PTPRN2: variants seen among roughly 807,000 people sequenced by gnomAD.
PTPRN2 encodes the protein protein tyrosine phosphatase receptor type N2.
In PTPRN2, 74 loss-of-function variants were observed where a neutral mutation model predicts 118.8. The observed-to-expected ratio is 0.62, with a 90% confidence interval of 0.52 to 0.76. The LOEUF is 0.76. Among genes scored for constraint, PTPRN2 ranks in the 30% least tolerant of loss-of-function variants. The pLI is 0.00. For synonymous variants in PTPRN2, 641 were observed against 608.0 expected (o/e 1.05, Z -0.80); for missense variants, 1,481 against 1,394.4 (o/e 1.06, Z -0.99).
rs1303436492 is a variant in PTPRN2 at position 157,596,007 on chromosome 7, C to A, written c.2419-692G>T. Among the ~76,000 whole-genome samples the A allele has an allele frequency of 1.3e-5, 2 of 152,204 alleles. No homozygotes were observed. Among genetic ancestry groups the A allele is most frequent in the Non-Finnish European group, 2.9e-5 (2 of 68,032 alleles). On this transcript the variant is annotated intron_variant, in intron 16 of 22. Transcript: ENST00000389418. The surrounding 1 kb of genome is among the most constrained non-coding windows in gnomAD (Gnocchi z 4.2). ...TTCCAGCCTGCAAGTGACCCCAGAG[C>A]TTCCTGGCCACGGAGCCCACCCAGG...
intron 2 of PTPRN2, among the ~76,000 whole-genome samples, chr7:158,364,043 G>A (rs1012269908): frequency 6.6e-6 from 1 of 152,178 alleles, no homozygotes; most frequent in African/African-American, 2.4e-5. Context: ...GAACGATGAG[G>A]CAGTCAGTGA....
chr7:158,342,404 CACCCACACTCTCACCATA>C (rs1395811640), intron 2 of PTPRN2, among the ~76,000 whole-genome samples: 10 of 139,586 alleles, frequency 7.2e-5, no homozygotes, highest in South Asian at 2.4e-4. Context: ...ACGTCACTCA[CACCCACACTCTCACCATA>C]AGAGCTGACA....
intron 2 of PTPRN2, among the ~76,000 whole-genome samples, chr7:158,334,441 C>G (rs1404563942): frequency 1.5e-5 from 1 of 66,522 alleles, no homozygotes; most frequent in Non-Finnish European, 3.3e-5. Context: ...CACCCACACT[C>G]TCACCATAAG....
At chr7:158,336,562 C>T (rs1805580854) in intron 2 of PTPRN2, among the ~76,000 whole-genome samples, 1 of 146,208 alleles carries the variant, frequency 6.8e-6, no homozygotes, top group African/African-American at 2.6e-5. Context: ...CACCCACACT[C>T]ACCATAAGAG....
At chr7:157,906,610 T>C (rs1258605508) in intron 11 of PTPRN2, among the ~76,000 whole-genome samples, 1 of 147,758 alleles carries the variant, frequency 6.8e-6, no homozygotes, top group African/African-American at 2.5e-5. Flanking sequence ...AGCCTGCCAG[T>C]CACTCAGGCC....
chr7:158,131,796 T>G (rs1442448868), intron 9 of PTPRN2, among the ~76,000 whole-genome samples: 1 of 110,582 alleles, frequency 9.0e-6, no homozygotes, highest in African/African-American at 3.6e-5. Flanking sequence ...ACATACACAC[T>G]CATACACACA....
intron 11 of PTPRN2, among the ~76,000 whole-genome samples, chr7:158,049,127 TATC>T (rs1213823820): frequency 8.4e-4 from 48 of 57,098 alleles, no homozygotes; most frequent in South Asian, 2.8e-3. Context: ...TCAGCATCAC[TATC>T]ATCATCATCA....
At chr7:158,192,559 C>T in intron 4 of PTPRN2, 64 bp from the exon 5 acceptor site, 3 of 1,501,194 alleles carry the variant, frequency 2.0e-6, no homozygotes, top group Admixed American at 4.7e-5. Flanking sequence ...CTGCTCTGTC[C>T]CCTGTGGTGC....
At chr7:157,847,565 A>T (rs1233134656) in intron 12 of PTPRN2, among the ~76,000 whole-genome samples, 1 of 139,194 alleles carries the variant, frequency 7.2e-6, no homozygotes, top group African/African-American at 2.7e-5. Flanking sequence ...CCCGATGTCT[A>T]CAGAGCCCTC....
At chr7:158,470,950 C>T (rs908703570) in intron 2 of PTPRN2, among the ~76,000 whole-genome samples, 1 of 152,128 alleles carries the variant, frequency 6.6e-6, no homozygotes, top group Non-Finnish European at 1.5e-5. Context: ...TCTCCTGCCT[C>T]AACCTCCCAA....
chr7:158,197,512 G>A (rs1826300697), intron 4 of PTPRN2, among the ~76,000 whole-genome samples: 1 of 152,134 alleles, frequency 6.6e-6, no homozygotes, highest in Non-Finnish European at 1.5e-5. Flanking sequence ...ATTTTTGCTT[G>A]ATTATCTCAA....
At chr7:157,984,448 C>G (rs1299972743) in intron 11 of PTPRN2, among the ~76,000 whole-genome samples, 3 of 87,714 alleles carry the variant, frequency 3.4e-5, no homozygotes, top group Non-Finnish European at 4.7e-5. Context: ...CCAGGCTCCA[C>G]CCCCCCCACG....
rs1398869427 is a variant in PTPRN2 at position 157,609,438 on chromosome 7, T to C, written c.2345-5363A>G. Among the ~76,000 whole-genome samples the C allele has an allele frequency of 6.6e-6, 1 of 152,158 alleles. No homozygotes were observed. The highest frequency in any genetic ancestry group is 1.9e-4 in the East Asian group (1 of 5,190). On this transcript the variant is annotated intron_variant, in intron 15 of 22. Coordinates refer to ENST00000389418, the MANE Select transcript of PTPRN2 (RefSeq NM_002847.5). This position sits in a 1 kb window ranked among gnomAD's most constrained non-coding sequence, Gnocchi z 4.9. Reference sequence around the variant, plus strand: ...AAGAGTATTTCAAATTTCTCAGATGTTCCATATTTTCACGGATTAGATCCT... The same window carrying C: ...AAGAGTATTTCAAATTTCTCAGATGCTCCATATTTTCACGGATTAGATCCT...
intron 2 of PTPRN2, among the ~76,000 whole-genome samples, chr7:158,346,142 C>T (rs763339025): frequency 2.0e-5 from 3 of 152,354 alleles, no homozygotes; most frequent in Non-Finnish European, 4.4e-5. Flanking sequence ...ACTTCAAATA[C>T]TTAACATTTT....
intron 2 of PTPRN2, among the ~76,000 whole-genome samples, chr7:158,425,173 ACCAGTCTAGCTGAGGCCTGCG>A (rs1317989106): frequency 6.6e-6 from 1 of 151,238 alleles, no homozygotes; most frequent in African/African-American, 2.4e-5. Context: ...AGAGTACGAG[ACCAGTCTAGCTGAGGCCTGCG>A]CACCGCCGGG....
chr7:158,019,386 C>T (rs1351051240), intron 11 of PTPRN2, among the ~76,000 whole-genome samples: 4 of 152,210 alleles, frequency 2.6e-5, no homozygotes, highest in Admixed American at 2.6e-4. Context: ...GGGCAGAGGC[C>T]GTGGTGTTTC....
rs116732480 is a variant in PTPRN2, at chr7:157,964,404, C to T, written c.1724-65667G>A. On this transcript the variant is annotated intron_variant, in intron 11 of 22. Transcript: ENST00000389418. The surrounding 1 kb of genome is among the most constrained non-coding windows in gnomAD (Gnocchi z 9.0). Reference sequence around the variant, plus strand: ...GATGGTTATTAGCATATTAGGATGACATTTGACCCTAACATTCCAGTTTTG... The same window carrying T: ...GATGGTTATTAGCATATTAGGATGATATTTGACCCTAACATTCCAGTTTTG... Among the ~76,000 whole-genome samples, 1,616 of 151,594 alleles carry T rather than the reference C, an allele frequency of 0.011. 37 individuals carry two copies. The highest frequency in any genetic ancestry group is 0.037 in the African/African-American group (1,525 of 41,236).
At chr7:158,029,317 T>C (rs1260168636) in intron 11 of PTPRN2, 2 of 152,326 alleles carry the variant, frequency 1.3e-5, no homozygotes, top group East Asian at 3.9e-4. Context: ...CCTCTAAGTG[T>C]CCCTTAAACT....
At chr7:158,503,980 T>A (rs964013415) in intron 1 of PTPRN2, among the ~76,000 whole-genome samples, 1 of 145,728 alleles carries the variant, frequency 6.9e-6, no homozygotes, top group Admixed American at 7.1e-5. Flanking sequence ...AGAGTGAGAC[T>A]GTCTCAAAAA....
Sources: allele counts gnomAD v4.1 joint callset (sites outside exome capture counted in the v4.1 genomes callset), GRCh38; gene constraint gnomAD v4.1.1; non-coding constraint Gnocchi (gnomAD v3.1); transcripts MANE v1.5; gene names NCBI Gene and HGNC (gene_info 2026-07-23, HGNC 2026-07-21).